The following IL17RE variants were observed in gnomAD, a reference collection of about 807,000 sequenced individuals.
IL17RE encodes interleukin-17 receptor E.
IL17RE carries 47 observed loss-of-function variants against 70.7 expected under a neutral mutation model. The ratio of observed to expected loss-of-function variants is 0.67; its 90% CI spans 0.53 to 0.85. The LOEUF (loss-of-function observed/expected upper bound fraction) is 0.85. IL17RE is among the 40% of genes least tolerant of loss of function. The pLI is 0.00. For missense variants in IL17RE, 850 were observed against 893.9 expected (o/e 0.95, Z 0.63); for synonymous variants, 372 against 381.2 (o/e 0.98, Z 0.28).
At position 9,909,226 on chromosome 3, in the gene IL17RE, C is replaced by T. The variant is rs756791663; in HGVS notation, c.745C>T (p.Leu249=). ...LPCLCIEASY[L]QEDTVRRKKC... is the part of the protein sequence containing the mutation. Reference sequence around the variant, plus strand: ...GCTCCCGTCTCTCCAGGCATCCTACCTGCAAGAGGACACTGTGAGGCGCAA... The same window carrying T: ...GCTCCCGTCTCTCCAGGCATCCTACTTGCAAGAGGACACTGTGAGGCGCAA... The change falls in exon 8 of 16, where the codon CTG becomes TTG. Residue 249 remains leucine, a synonymous_variant. Transcript: ENST00000383814. 8.1e-6 allele frequency: 13 copies of T among 1,613,954 alleles called. No homozygotes were observed. Among genetic ancestry groups the T allele is most frequent in the Non-Finnish European group, 1.1e-5 (13 of 1,179,954 alleles).
intron 7 of IL17RE, 32 bp downstream of exon 7, chr3:9,908,339 G>A: frequency 1.3e-6 from 2 of 1,592,592 alleles, no homozygotes; most frequent in South Asian, 1.1e-5. Flanking sequence ...GGCTGTCCAT[G>A]GCTCTGCTCC....
intron 7 of IL17RE, 145 bp from the exon 8 acceptor site, chr3:9,909,072 C>G (rs559081813): frequency 3.1e-6 from 2 of 644,020 alleles, no homozygotes; most frequent in East Asian, 5.6e-5. Flanking sequence ...GCCCCCACCC[C>G]ACATTGCCCC....
intron 8 of IL17RE, chr3:9,909,629 T>G (rs954961353): frequency 3.1e-5 from 8 of 256,404 alleles, no homozygotes; most frequent in African/African-American, 1.8e-4. Flanking sequence ...ACTTTCCTCA[T>G]CTGTAAAATC....
At chr3:9,906,294 A>G (rs1224046585) in intron 3 of IL17RE, 70 bp from the exon 4 acceptor site, 5 of 778,620 alleles carry the variant, frequency 6.4e-6, no homozygotes, top group Non-Finnish European at 1.1e-5. Context: ...ACTTACTAAC[A>G]CTGGGCCACA....
At chr3:9,914,825 A>G (rs372141000) in intron 15 of IL17RE, 48 bp downstream of exon 15, 5 of 1,466,450 alleles carry the variant, frequency 3.4e-6, no homozygotes, top group Non-Finnish European at 4.8e-6. Flanking sequence ...CCCAGCTCGG[A>G]GACTAGCTGC....
At chr3:9,903,160 C>T in intron 1 of IL17RE, 96 bp downstream of exon 1, 1 of 1,197,914 alleles carries the variant, frequency 8.3e-7, no homozygotes, top group Non-Finnish European at 1.2e-6. Context: ...AGTCCCTGTG[C>T]TCTGGTGGCA....
chr3:9,913,647 C>T (rs566451786), intron 12 of IL17RE, among the ~76,000 whole-genome samples: 1 of 152,322 alleles, frequency 6.6e-6, no homozygotes, highest in South Asian at 2.1e-4. Context: ...AGACAGCCTT[C>T]CTGGTTTGTG....
At chr3:9,904,267 G>A in intron 3 of IL17RE, 116 bp downstream of exon 3, 1 of 1,199,678 alleles carries the variant, frequency 8.3e-7, no homozygotes, top group Non-Finnish European at 1.2e-6. Context: ...AACCTCAACT[G>A]GGACTTGGAT....
chr3:9,911,444 G>C lies in IL17RE; in HGVS notation c.1074G>C (p.Gly358=), dbSNP rs1559273985. Residue 358 remains glycine, a splice_region_variant and synonymous_variant, in exon 12 of 16, where the codon GGG becomes GGC. Coordinates refer to ENST00000383814, the MANE Select transcript of IL17RE (RefSeq NM_153480.2). The stretch of plus-strand genomic sequence containing the variant: ...ACACCCCCACCCCGCCCCAAACAGG[G>C]TCTCTCACATCCTGGAATGTAAGCA... ...SSHVECPHQT[G]SLTSWNVSMD... 1 of 1,614,052 alleles carries C rather than the reference G, an allele frequency of 6.2e-7. No homozygotes were observed. Among genetic ancestry groups the C allele is most frequent in the Non-Finnish European group, 8.5e-7 (1 of 1,179,972 alleles).
chr3:9,902,344 A>G (rs2082659067), upstream of IL17RE, among the ~76,000 whole-genome samples: 1 of 152,120 alleles, frequency 6.6e-6, no homozygotes. Flanking sequence ...GGTAGAGAGA[A>G]CTCGGCTATA....
rs764324782 is a variant in IL17RE, at chr3:9,906,409, A to T, written c.314A>T (p.Lys105Met). The change falls in exon 4 of 16, where the codon AAG becomes ATG. Residue 105 changes from lysine (K) to methionine (M), a missense_variant. Transcript: ENST00000383814. Reference sequence around the variant, plus strand: ...CACCTCCTGGTGCAGAAATCCAAAAAGTCTTCCACATTCAAGTTCTATAGG... The same window carrying T: ...CACCTCCTGGTGCAGAAATCCAAAATGTCTTCCACATTCAAGTTCTATAGG... ...LFHLLVQKSK[K>M]SSTFKFYRRH... 2.5e-6 allele frequency: 4 copies of T among 1,614,010 alleles called. No homozygotes were observed. The highest frequency in any genetic ancestry group is 3.4e-6 in the Non-Finnish European group (4 of 1,179,970).
chr3:9,909,067 C>A (rs566928041), intron 7 of IL17RE, 150 bp from the exon 8 acceptor site: 1 of 636,726 alleles, frequency 1.6e-6, no homozygotes, highest in East Asian at 2.8e-5. Flanking sequence ...CCCTTGCCCC[C>A]ACCCCACATT....
chr3:9,909,432 T>G, intron 8 of IL17RE, 149 bp downstream of exon 8: 1 of 712,220 alleles, frequency 1.4e-6, no homozygotes, highest in Non-Finnish European at 2.4e-6. Context: ...GTACTTTCCC[T>G]GGAGTCAGTG....
At chr3:9,911,074 A>G (rs750336665) in intron 9 of IL17RE, 34 bp downstream of exon 9, 1 of 1,609,050 alleles carries the variant, frequency 6.2e-7, no homozygotes. Context: ...CAGGGTGGGC[A>G]GGGCTGGGGC....
intron 3 of IL17RE, among the ~76,000 whole-genome samples, chr3:9,905,810 G>A (rs1360376974): frequency 6.6e-6 from 1 of 151,172 alleles, no homozygotes; most frequent in Non-Finnish European, 1.5e-5. Flanking sequence ...ACAGAGCAAG[G>A]CTCCGTCTCC....
intron 3 of IL17RE, 86 bp from the exon 4 acceptor site, chr3:9,906,278 A>G (rs2082753213): frequency 1.8e-6 from 1 of 568,274 alleles, no homozygotes; most frequent in Non-Finnish European, 3.0e-6. Flanking sequence ...AAAATAAAAT[A>G]AAATTACTTA....
At position 9,904,048 on chromosome 3, in the gene IL17RE, C is replaced by G; in HGVS notation, c.165C>G (p.Ile55Met). 1.9e-6 allele frequency: 3 copies of G among 1,614,152 alleles called. No individual in the cohort carries two copies. Among genetic ancestry groups the G allele is most frequent in the Middle Eastern group, 1.6e-4 (1 of 6,062 alleles). The change falls in exon 3 of 16, where the codon ATC (isoleucine) becomes ATG (methionine). Residue 55 changes from isoleucine to methionine, a missense_variant. Ile to Met is a conservative substitution (Grantham distance 10). Coordinates refer to ENST00000383814, the MANE Select transcript of IL17RE (RefSeq NM_153480.2). ...DDSFTGSSAY[I>M]PCRTWWALFS... ...CTTTCCCAGGAAGTTCTGCCTATAT[C>G]CCTTGCCGCACCTGGTGGGCCCTCT...
Position 9,913,099 on chromosome 3 carries a change from C to T in IL17RE, c.1228-857C>T, listed in dbSNP as rs1017312622. On this transcript the variant is annotated intron_variant, in intron 12 of 15. Coordinates refer to ENST00000383814, the MANE Select transcript of IL17RE (RefSeq NM_153480.2). ...ACCCAGTAAAATAAAGATTATTATC[C>T]CCCATATAAAAATGAAGAAAGTAGG... Among the ~76,000 whole-genome samples, 17 of 152,076 alleles carry T rather than the reference C, an allele frequency of 1.1e-4. No homozygotes were observed. In the East Asian group the frequency reaches 2.7e-3, roughly 24 times the overall value.
chr3:9,910,803 GGGT>G, intron 8 of IL17RE, 59 bp from the exon 9 acceptor site: 1 of 1,470,666 alleles, frequency 6.8e-7, no homozygotes, highest in Non-Finnish European at 9.4e-7. Context: ...CCCAGGATGT[GGGT>G]GGCAAGGTGG....
Sources: gnomAD v4.1 joint callset for allele counts (sites outside exome capture counted in the v4.1 genomes callset) on GRCh38, gnomAD v4.1.1 for gene constraint, MANE v1.5 for transcripts, NCBI Gene and HGNC (gene_info 2026-07-23, HGNC 2026-07-21) for gene names.